Variants in NQO2 observed in about 807,000 individuals in gnomAD.
NQO2 encodes the protein N-ribosyldihydronicotinamide:quinone dehydrogenase 2, also known as ribosyldihydronicotinamide dehydrogenase [quinone].
Under a neutral mutation model 22.0 loss-of-function variants are expected in NQO2, and 18 were observed. That is an observed-to-expected ratio of 0.82 (90% confidence interval 0.56 to 1.21). NQO2 has a LOEUF of 1.21. NQO2 is among the 50% of genes most tolerant of loss of function. The pLI, the probability that NQO2 is intolerant of heterozygous loss-of-function variation, is 0.00. For missense variants in NQO2, 267 were observed against 286.9 expected, an observed-to-expected ratio of 0.93 and a Z score of 0.50; for synonymous variants, 106 against 110.8, an observed-to-expected ratio of 0.96 and a Z score of 0.28.
Position 3,016,944 on chromosome 6 carries a change from G to A in NQO2, c.478G>A (p.Gly160Arg). Residue 160 changes from glycine to arginine, a missense_variant, in exon 6 of 7, where the codon GGA (glycine) becomes AGA (arginine). By Grantham distance (125) the Gly-to-Arg change is moderately radical (BLOSUM62 -2). Transcript: ENST00000380455. ...GGTAEMYTKT[G>R]VNGDSRYFLW... is the part of the protein sequence containing the mutation. ...CACGGCCGAGATGTACACGAAGACA[G>A]GAGTCAATGGAGATTCTCGATACTT... The A allele has an allele frequency of 6.2e-7, 1 of 1,614,102 alleles. No homozygotes were observed. Among genetic ancestry groups the A allele is most frequent in the East Asian group, 2.2e-5 (1 of 44,882 alleles).
At chr6:3,015,256 G>A (rs980217545) in intron 4 of NQO2, 21 of 1,427,068 alleles carry the variant, frequency 1.5e-5, no homozygotes, top group Non-Finnish European at 1.9e-5. Context: ...ACAGCTCCTC[G>A]TCCCCTCCCT....
chr6:3,001,512 T>C (rs1254671648), intron 1 of NQO2, among the ~76,000 whole-genome samples: 1 of 152,144 alleles, frequency 6.6e-6, no homozygotes, highest in Non-Finnish European at 1.5e-5. Flanking sequence ...CTTCTAGCTG[T>C]GCTGTTTATA....
chr6:3,006,592 T>G lies in NQO2; in HGVS notation c.7+33T>G. 1.9e-6 allele frequency: 3 copies of G among 1,565,226 alleles called. No individual in the cohort carries two copies. Among genetic ancestry groups the G allele is most frequent in the Middle Eastern group, 1.7e-4 (1 of 5,930 alleles). ...TTCACTATTGTGGAGTAAGACTTTT[T>G]TTTTTTTGAGATGGGATTTTGTTGT... is the stretch of plus-strand genomic sequence containing the variant. On this transcript the variant is annotated intron_variant, in intron 2 of 6. Coordinates refer to ENST00000380455, the MANE Select transcript of NQO2 (RefSeq NM_000904.6). This position sits in a 1 kb window ranked among gnomAD's most constrained non-coding sequence, Gnocchi z 4.0.
rs36118697 is a variant in NQO2 at position 3,016,430 on chromosome 6, C to CAAAAAAAAAAAA, written c.418-445_418-434dup. Among the ~76,000 whole-genome samples the CAAAAAAAAAAAA allele has an allele frequency of 8.8e-4, 75 of 85,686 alleles. 3 individuals are homozygous for CAAAAAAAAAAAA. Among genetic ancestry groups the CAAAAAAAAAAAA allele is most frequent in the African/African-American group, 3.4e-3 (71 of 20,884 alleles). The allele number at this position is 85,686 out of a possible 152,430, so 56.2% of individuals were successfully genotyped here. On this transcript the variant is annotated intron_variant, in intron 5 of 6. Coordinates refer to ENST00000380455, the MANE Select transcript of NQO2 (RefSeq NM_000904.6). ...TGGGTGACAAAGCGAGACTCTGTCT[C>CAAAAAAAAAAAA]AAAAAAAAAAAAAAAAAAAAGGAAC...
chr6:3,016,702 TCTC>T (rs1370840524), intron 5 of NQO2, 179 bp from the exon 6 acceptor site: 9 of 966,780 alleles, frequency 9.3e-6, no homozygotes, highest in Non-Finnish European at 1.1e-5. Context: ...ACTTGGATTG[TCTC>T]CTCCTCCTCT....
At chr6:3,010,520 G>C (rs1265657440) in intron 3 of NQO2, among the ~76,000 whole-genome samples, 2 of 152,100 alleles carry the variant, frequency 1.3e-5, no homozygotes, top group East Asian at 3.9e-4. Context: ...CACTGGAAAA[G>C]AGATCAAGGG....
intron 4 of NQO2, among the ~76,000 whole-genome samples, chr6:3,014,250 G>C (rs1193348257): frequency 2.6e-5 from 4 of 152,088 alleles, no homozygotes; most frequent in Admixed American, 2.6e-4. Context: ...ACCCCTTCCC[G>C]ACACCAGCCC....
intron 4 of NQO2, among the ~76,000 whole-genome samples, chr6:3,014,486 G>T (rs1031916529): frequency 3.9e-5 from 6 of 152,122 alleles, no homozygotes; most frequent in African/African-American, 1.2e-4. Context: ...CCCTTGGGTC[G>T]GCCGGCCACG....
rs1418243904 is a variant in NQO2 at position 3,005,738 on chromosome 6, C to CA, written c.-85-729dup. 33 of 985,320 alleles carry CA rather than the reference C, an allele frequency of 3.3e-5. No individual in the cohort carries two copies. In the African/African-American group the frequency reaches 4.9e-4, roughly 15 times the overall value. The allele number at this position is 985,320 out of a possible 1,614,324, so 61.0% of individuals were successfully genotyped here. A position where few individuals can be genotyped will look rare whatever the true frequency, so the allele number is the denominator to read the frequency against. ...GCCAAAGGCTCCCCTGGGGAGAACT[C>CA]ACGTTTTTCCAGAGCCCCATTGTGT... On this transcript the variant is annotated intron_variant, in intron 1 of 6. Transcript: ENST00000380455.
At chr6:3,013,516 TCCTTAAATATCCTG>T (rs1363903778) in intron 4 of NQO2, among the ~76,000 whole-genome samples, 2 of 152,088 alleles carry the variant, frequency 1.3e-5, no homozygotes, top group East Asian at 1.9e-4. Flanking sequence ...CAAATGCATC[TCCTTAAATATCCTG>T]CCTTAAATAT....
chr6:3,009,933 G>T, intron 2 of NQO2, 92 bp from the exon 3 acceptor site: 2 of 1,495,218 alleles, frequency 1.3e-6, no homozygotes, highest in Non-Finnish European at 1.8e-6. Flanking sequence ...TTACTATGAT[G>T]CACCTGAACA....
At chr6:3,013,951 C>T (rs559520955) in intron 4 of NQO2, among the ~76,000 whole-genome samples, 1 of 152,326 alleles carries the variant, frequency 6.6e-6, no homozygotes, top group South Asian at 2.1e-4. Context: ...TCTCTCACTG[C>T]TTGCCAGGGA....
chr6:3,012,946 CTTTTTTT>C (rs751626888), intron 4 of NQO2, among the ~76,000 whole-genome samples: 631 of 60,734 alleles, frequency 0.01, 9 homozygotes, highest in African/African-American at 0.043. Context: ...TGTAACACTA[CTTTTTTT>C]TTTTTTTTTT....
At position 3,006,652 on chromosome 6, in the gene NQO2, G is replaced by A; in HGVS notation, c.7+93G>A. 2 of 1,323,500 alleles carry A rather than the reference G, an allele frequency of 1.5e-6. No individual in the cohort carries two copies. Among genetic ancestry groups the A allele is most frequent in the Non-Finnish European group, 2.0e-6 (2 of 980,550 alleles). 82.0% of individuals were successfully genotyped at this position (1,323,500 alleles called of 1,614,324 possible). The stretch of plus-strand genomic sequence containing the variant: ...GCTGGTCTCAAACTCCTGAGCTCAA[G>A]TGACCCTCCCACATTGACCTTCCAG... On this transcript the variant is annotated intron_variant, in intron 2 of 6. Transcript: ENST00000380455. The surrounding 1 kb of genome is among the most constrained non-coding windows in gnomAD (Gnocchi z 4.0).
chr6:3,012,503 G>A lies in NQO2; in HGVS notation c.173-41G>A, dbSNP rs28383626. On this transcript the variant is annotated intron_variant, in intron 3 of 6. Coordinates refer to ENST00000380455, the MANE Select transcript of NQO2 (RefSeq NM_000904.6). Reference sequence around the variant, plus strand: ...GGGATGGTTGGGATGGGCTGTGGATGCCCACCTAGGAGTGAGAATGTTTGG... The same window carrying A: ...GGGATGGTTGGGATGGGCTGTGGATACCCACCTAGGAGTGAGAATGTTTGG... The A allele has an allele frequency of 1.5e-4, 239 of 1,611,362 alleles. 1 individual carries two copies. The East Asian group carries it at 2.8e-3, about 19-fold the overall frequency.
intron 4 of NQO2, among the ~76,000 whole-genome samples, chr6:3,013,586 T>C (rs1561715547): frequency 6.6e-6 from 1 of 152,162 alleles, no homozygotes; most frequent in African/African-American, 2.4e-5. Flanking sequence ...CTCTCAGTGG[T>C]TGCTTCACCC....
At chr6:3,013,235 G>A (rs371134202) in intron 4 of NQO2, among the ~76,000 whole-genome samples, 120 of 152,152 alleles carry the variant, frequency 7.9e-4, no homozygotes, top group African/African-American at 1.8e-3. Flanking sequence ...GATTACAGGC[G>A]TGAGCCACCG....
At position 3,006,266 on chromosome 6, in the gene NQO2, A is replaced by C. The variant is rs904752512; in HGVS notation, c.-85-202A>C. 7 of 949,920 alleles carry C rather than the reference A, an allele frequency of 7.4e-6. No individual in the cohort carries two copies. Among genetic ancestry groups the C allele is most frequent in the Admixed American group, 1.2e-4 (2 of 16,232 alleles). 58.8% of individuals were successfully genotyped at this position (949,920 alleles called of 1,614,324 possible). On this transcript the variant is annotated intron_variant, in intron 1 of 6. Transcript: ENST00000380455. The surrounding 1 kb of genome is among the most constrained non-coding windows in gnomAD (Gnocchi z 4.0). Reference sequence around the variant, plus strand: ...TGGAAGGTTCAGAGTCCTCTCAAAAAAGGAAAAAAGTATGGGTTTTGACAT... The same window carrying C: ...TGGAAGGTTCAGAGTCCTCTCAAAACAGGAAAAAAGTATGGGTTTTGACAT...
chr6:3,005,314 T>C (rs1756910918), intron 1 of NQO2, among the ~76,000 whole-genome samples: 1 of 152,170 alleles, frequency 6.6e-6, no homozygotes, highest in Non-Finnish European at 1.5e-5. Flanking sequence ...ATTGTAATTT[T>C]TGGGGGCACA....
Sources: gnomAD v4.1 joint callset for allele counts (sites outside exome capture counted in the v4.1 genomes callset) on GRCh38, gnomAD v4.1.1 for gene constraint, Gnocchi (gnomAD v3.1) non-coding constraint, MANE v1.5 for transcripts, NCBI Gene and HGNC (gene_info 2026-07-23, HGNC 2026-07-21) for gene names.